Variants in CES1 observed in about 807,000 individuals in gnomAD.
CES1 encodes carboxylesterase 1.
CES1 carries 50 observed loss-of-function variants against 53.0 expected under a neutral mutation model. The observed-to-expected ratio is 0.94, with a 90% CI of 0.75 to 1.19. CES1 has a LOEUF of 1.19. Among genes scored for constraint, CES1 ranks in the 50% most tolerant of loss-of-function variants. The pLI is 0.00. For synonymous variants in CES1, 202 were observed against 210.1 expected, an observed-to-expected ratio of 0.96 and a Z score of 0.33; for missense variants, 534 against 538.0, an observed-to-expected ratio of 0.99 and a Z score of 0.07.
chr16:55,810,966 C>A lies in CES1; in HGVS notation c.1131G>T (p.Lys377Asn). 1 of 1,613,408 alleles carries A rather than the reference C, an allele frequency of 6.2e-7. No homozygotes were observed. The highest frequency in any genetic ancestry group is 8.5e-7 in the Non-Finnish European group (1 of 1,179,868). The change falls in exon 10 of 14, where the codon AAG (lysine) becomes AAT (asparagine). Residue 377 changes from lysine to asparagine, a missense_variant. Lys to Asn is a moderately conservative substitution (Grantham distance 94, BLOSUM62 0). Coordinates refer to ENST00000360526, the MANE Select transcript of CES1 (RefSeq NM_001025195.2). ...YPLSEGQLDQ[K>N]TAMSLLWKSY... The stretch of plus-strand genomic sequence containing the variant: ...ACTTCCACAGGAGTGACATGGCTGT[C>A]TTCTGGTCCAGTTGCCCTTCGGAGA...
At chr16:55,809,299 A>T (rs2031581106) in intron 11 of CES1, among the ~76,000 whole-genome samples, 1 of 152,232 alleles carries the variant, frequency 6.6e-6, no homozygotes. Context: ...GACCCTGTGA[A>T]GAAATGAGGG....
chr16:55,808,732 A>G (rs1225187496), intron 11 of CES1, among the ~76,000 whole-genome samples: 1 of 152,214 alleles, frequency 6.6e-6, no homozygotes, highest in Non-Finnish European at 1.5e-5. Context: ...AACATCTAAT[A>G]GGATATGAAT....
intron 9 of CES1, 125 bp from the exon 10 acceptor site, chr16:55,811,135 G>T (rs1432006044): frequency 2.5e-6 from 2 of 789,594 alleles, no homozygotes. Context: ...TTAAGGGCAT[G>T]AGTCTTTACT....
chr16:55,825,284 G>T (rs1375523593), intron 3 of CES1, among the ~76,000 whole-genome samples: 4 of 152,214 alleles, frequency 2.6e-5, no homozygotes, highest in African/African-American at 9.7e-5. Flanking sequence ...CACGTTCGCA[G>T]ACCTGCTCCC....
Position 55,833,066 on chromosome 16 carries a change from C to A in CES1, c.-11G>T, listed in dbSNP as rs371201682. The A allele has an allele frequency of 4.5e-6, 7 of 1,558,702 alleles. No individual in the cohort carries two copies. The African/African-American group carries it at 9.6e-5, about 21-fold the overall frequency. On this transcript the variant is annotated 5_prime_UTR_variant, in exon 1 of 14. Coordinates refer to ENST00000360526, the MANE Select transcript of CES1 (RefSeq NM_001025195.2). Reference sequence around the variant, plus strand: ...GGCACGGAGCCACATCGTGGAAGGGCGACAGTTCTCGGGGCCTGCGAGGTC... The same window carrying A: ...GGCACGGAGCCACATCGTGGAAGGGAGACAGTTCTCGGGGCCTGCGAGGTC...
intron 1 of CES1, among the ~76,000 whole-genome samples, chr16:55,829,304 G>T (rs4784589): frequency 6.6e-6 from 1 of 152,330 alleles, no homozygotes; most frequent in South Asian, 2.1e-4. Context: ...GCACTGAGCC[G>T]CATGCTGGAT....
chr16:55,811,472 A>T (rs1386584192), intron 9 of CES1, among the ~76,000 whole-genome samples: 1 of 152,036 alleles, frequency 6.6e-6, no homozygotes, highest in Admixed American at 6.5e-5. Context: ...CTTTGGTATA[A>T]CCTCTGAAAT....
rs1567494094 is a variant in CES1, at chr16:55,813,047, G to A, written c.946-4C>T. On this transcript the variant is annotated splice_polypyrimidine_tract_variant and splice_region_variant and intron_variant, in intron 8 of 13. Transcript: ENST00000360526. ...CAGTGCCCAGAAGGGGTTGACTCTG[G>A]GGAGAGAGCAGTGCAGCACCTGTGA... 3 of 1,613,908 alleles carry A rather than the reference G, an allele frequency of 1.9e-6. No homozygotes were observed. The South Asian group carries it at 3.3e-5, about 18-fold the overall frequency.
intron 3 of CES1, among the ~76,000 whole-genome samples, chr16:55,824,011 C>T (rs1232824561): frequency 3.3e-5 from 5 of 152,258 alleles, no homozygotes; most frequent in Non-Finnish European, 5.9e-5. Flanking sequence ...GGAGGACACT[C>T]CCATCACCCT....
intron 9 of CES1, 125 bp downstream of exon 9, chr16:55,812,778 C>G: frequency 7.2e-7 from 1 of 1,387,142 alleles, no homozygotes. Flanking sequence ...AATGTTAACT[C>G]CTGCTGAAGG....
At chr16:55,817,366 C>T (rs1193385780) in intron 7 of CES1, among the ~76,000 whole-genome samples, 1 of 152,172 alleles carries the variant, frequency 6.6e-6, no homozygotes, top group Non-Finnish European at 1.5e-5. Context: ...CCAGCCATGC[C>T]TGAAGCCATC....
intron 1 of CES1, among the ~76,000 whole-genome samples, chr16:55,829,515 G>T (rs2032557840): frequency 6.6e-6 from 1 of 152,234 alleles, no homozygotes; most frequent in African/African-American, 2.4e-5. Flanking sequence ...TTGCGGCAGG[G>T]GAGGACTGAA....
chr16:55,833,067 G>A lies in CES1; in HGVS notation c.-12C>T, dbSNP rs781531934. On this transcript the variant is annotated 5_prime_UTR_variant, in exon 1 of 14. Transcript: ENST00000360526. ...GCACGGAGCCACATCGTGGAAGGGC[G>A]ACAGTTCTCGGGGCCTGCGAGGTCT... is the stretch of plus-strand genomic sequence containing the variant. The A allele has an allele frequency of 1.3e-6, 2 of 1,558,770 alleles. No homozygotes were observed. Among genetic ancestry groups the A allele is most frequent in the Non-Finnish European group, 1.8e-6 (2 of 1,137,766 alleles).
chr16:55,810,490 C>T, intron 11 of CES1, 27 bp downstream of exon 11: 1 of 1,613,850 alleles, frequency 6.2e-7, no homozygotes, highest in Non-Finnish European at 8.5e-7. Flanking sequence ...GGGTTTGTGT[C>T]CCTCCCGTTC....
intron 5 of CES1, among the ~76,000 whole-genome samples, chr16:55,820,937 G>A (rs571936220): frequency 6.6e-6 from 1 of 152,274 alleles, no homozygotes; most frequent in South Asian, 2.1e-4. Flanking sequence ...TCCACATGTA[G>A]GTCTGGTTTA....
Position 55,820,588 on chromosome 16 carries a change from G to A in CES1, c.694-109C>T, listed in dbSNP as rs531927363. ...CACTATAAAACCAACACGGGACTGA[G>A]GAATCCAGTAGTGGGCTGACCCTCT... On this transcript the variant is annotated intron_variant, in intron 5 of 13. Coordinates refer to ENST00000360526, the MANE Select transcript of CES1 (RefSeq NM_001025195.2). The A allele has an allele frequency of 8.3e-6, 13 of 1,565,770 alleles. No homozygotes were observed. In the African/African-American group the frequency reaches 1.2e-4, roughly 15 times the overall value.
chr16:55,831,169 G>A (rs1298286034), intron 1 of CES1, among the ~76,000 whole-genome samples: 6 of 152,112 alleles, frequency 3.9e-5, no homozygotes, highest in African/African-American at 1.4e-4. Flanking sequence ...AAAAAACAAA[G>A]GTCAAACACA....
intron 5 of CES1, among the ~76,000 whole-genome samples, chr16:55,820,889 C>A (rs2032155335): frequency 6.6e-6 from 1 of 152,294 alleles, no homozygotes; most frequent in South Asian, 2.1e-4. Flanking sequence ...TCAGACCACC[C>A]CAGAGGAATT....
At chr16:55,820,614 GC>G in intron 5 of CES1, 135 bp from the exon 6 acceptor site, 1 of 1,446,494 alleles carries the variant, frequency 6.9e-7, no homozygotes. Context: ...CTGACCCTCT[GC>G]CCACCTCAAG....
Sources: allele counts gnomAD v4.1 joint callset (sites outside exome capture counted in the v4.1 genomes callset), GRCh38; gene constraint gnomAD v4.1.1; transcripts MANE v1.5; gene names NCBI Gene and HGNC (gene_info 2026-07-23, HGNC 2026-07-21).